Variants in TPTE2 observed in about 807,000 individuals in gnomAD.
TPTE2 encodes the protein phosphatidylinositol 3,4,5-trisphosphate 3-phosphatase TPTE2.
In TPTE2, 53 loss-of-function variants were observed where a neutral mutation model predicts 78.6. The observed-to-expected ratio is 0.67, with a 90% CI of 0.54 to 0.85. TPTE2 has a LOEUF of 0.85. Among genes scored for constraint, TPTE2 ranks in the 40% least tolerant of loss-of-function variants. The pLI, the probability that TPTE2 is intolerant of heterozygous loss-of-function variation, is 0.00. For synonymous variants in TPTE2, 175 were observed against 206.2 expected (o/e 0.85, Z 1.30); for missense variants, 461 against 623.0 (o/e 0.74, Z 2.77).
intron 1 of TPTE2, among the ~76,000 whole-genome samples, chr13:19,519,020 G>C (rs1869980148): frequency 6.6e-6 from 1 of 152,076 alleles, no homozygotes; most frequent in Admixed American, 6.6e-5. Flanking sequence ...CGTCTTGGGG[G>C]CCCCTTATAC....
intron 4 of TPTE2, among the ~76,000 whole-genome samples, chr13:19,478,965 C>A (rs1031110809): frequency 2.0e-5 from 3 of 152,022 alleles, no homozygotes; most frequent in African/African-American, 7.3e-5. Flanking sequence ...ACAATGAGAA[C>A]CCTTGGACAA....
intron 1 of TPTE2, among the ~76,000 whole-genome samples, chr13:19,510,764 T>C (rs1405492753): frequency 3.9e-5 from 6 of 152,126 alleles, no homozygotes; most frequent in Non-Finnish European, 8.8e-5. Context: ...ACAACACATG[T>C]AAATTAACAA....
chr13:19,507,329 A>ACG (rs1869139414), upstream of TPTE2, among the ~76,000 whole-genome samples: 1 of 146,068 alleles, frequency 6.8e-6, no homozygotes, highest in African/African-American at 2.5e-5. Context: ...AAAAAAACAC[A>ACG]TGCAATTTAG....
intron 1 of TPTE2, among the ~76,000 whole-genome samples, chr13:19,519,554 GTCT>G (rs1437648195): frequency 6.6e-6 from 1 of 152,120 alleles, no homozygotes; most frequent in Non-Finnish European, 1.5e-5. Flanking sequence ...CCACTCAATA[GTCT>G]TGGTACCCTT....
At chr13:19,555,110 A>G in the TPTE2 span, among the ~76,000 whole-genome samples, 3 of 152,322 alleles carry the variant, frequency 2.0e-5, no homozygotes, top group East Asian at 5.8e-4. Flanking sequence ...TGTTCCAAGC[A>G]CTATGCCTGA....
At chr13:19,433,023 G>A (rs1425811393) in intron 15 of TPTE2, among the ~76,000 whole-genome samples, 1 of 152,130 alleles carries the variant, frequency 6.6e-6, no homozygotes, top group Non-Finnish European at 1.5e-5. Flanking sequence ...CAGGTTTCCC[G>A]TCACTCTTCT....
At chr13:19,504,448 G>A (rs538165917), upstream of TPTE2, among the ~76,000 whole-genome samples, 140 of 152,094 alleles carry the variant, frequency 9.2e-4, 2 homozygotes, top group African/African-American at 3.3e-3. Context: ...CTCACATGGT[G>A]GTAGAGCTCT....
intron 1 of TPTE2, among the ~76,000 whole-genome samples, chr13:19,499,899 C>A (rs2137664619): frequency 6.7e-6 from 1 of 148,998 alleles, no homozygotes; most frequent in Admixed American, 6.7e-5. Context: ...TGATAGACCA[C>A]TAGCAAGACT....
At chr13:19,550,302 C>T in the TPTE2 span, among the ~76,000 whole-genome samples, 4 of 152,130 alleles carry the variant, frequency 2.6e-5, no homozygotes, top group East Asian at 3.9e-4. Flanking sequence ...AGATAAATTC[C>T]GTTGGAGTTT....
chr13:19,460,545 T>C (rs1478411248), intron 10 of TPTE2, among the ~76,000 whole-genome samples: 2 of 152,196 alleles, frequency 1.3e-5, no homozygotes, highest in Non-Finnish European at 1.5e-5. Context: ...CCCTAGTTCT[T>C]AATTCCTATA....
At chr13:19,517,658 G>A (rs373457007) in intron 1 of TPTE2, among the ~76,000 whole-genome samples, 1 of 152,120 alleles carries the variant, frequency 6.6e-6, no homozygotes, top group African/African-American at 2.4e-5. Context: ...TCACCTCTAG[G>A]TTTTTACCTC....
intron 13 of TPTE2, among the ~76,000 whole-genome samples, chr13:19,449,298 C>T (rs1178015485): frequency 2.0e-5 from 3 of 151,994 alleles, no homozygotes; most frequent in Non-Finnish European, 2.9e-5. Context: ...CTCAGCCTCC[C>T]GAGTAGCTGG....
intron 1 of TPTE2, among the ~76,000 whole-genome samples, chr13:19,510,595 G>T (rs1869370076): frequency 6.6e-6 from 1 of 151,928 alleles, no homozygotes; most frequent in Admixed American, 6.6e-5. Context: ...TGCGGTTTGG[G>T]GGTACAAACC....
chr13:19,463,998 G>A (rs1427475857), intron 10 of TPTE2, among the ~76,000 whole-genome samples: 1 of 152,150 alleles, frequency 6.6e-6, no homozygotes, highest in Non-Finnish European at 1.5e-5. Flanking sequence ...TGGTGAAGGG[G>A]GTGGGGCTGT....
At chr13:19,531,527 T>C (rs1263693698) in intron 1 of TPTE2, among the ~76,000 whole-genome samples, 1 of 151,382 alleles carries the variant, frequency 6.6e-6, no homozygotes, top group East Asian at 1.9e-4. Flanking sequence ...AGAAAGAAAA[T>C]AGTATTTTTC....
chr13:19,463,191 A>G (rs906708531), intron 10 of TPTE2, among the ~76,000 whole-genome samples: 4 of 151,600 alleles, frequency 2.6e-5, no homozygotes, highest in Admixed American at 2.6e-4. Context: ...CATGTTCATC[A>G]GGCTTGTCTT....
upstream of TPTE2, among the ~76,000 whole-genome samples, chr13:19,539,161 G>T (rs1377566736): frequency 3.3e-5 from 5 of 152,256 alleles, no homozygotes; most frequent in South Asian, 1.0e-3. Flanking sequence ...ACTCTTAAAG[G>T]CCCCACCTCT....
chr13:19,461,715 A>G, intron 10 of TPTE2, among the ~76,000 whole-genome samples: 1 of 152,172 alleles, frequency 6.6e-6, no homozygotes, highest in Non-Finnish European at 1.5e-5. Context: ...CAATTATTAT[A>G]TCTTATTGCT....
chr13:19,518,137 CTCATTGACTCAAGCTA>C (rs1238067645), intron 1 of TPTE2, among the ~76,000 whole-genome samples: 3 of 152,038 alleles, frequency 2.0e-5, no homozygotes, highest in Non-Finnish European at 4.4e-5. Context: ...GGGGGGATAC[CTCATTGACTCAAGCTA>C]TCATTTTATA....
Sources: gnomAD v4.1 joint callset for allele counts (sites outside exome capture counted in the v4.1 genomes callset) on GRCh38, gnomAD v4.1.1 for gene constraint, MANE v1.5 for transcripts, NCBI Gene and HGNC (gene_info 2026-07-23, HGNC 2026-07-21) for gene names.